CLVS1: variants seen among roughly 807,000 people sequenced by gnomAD.
The protein encoded by CLVS1 is clavesin-1.
Under a neutral mutation model 33.1 loss-of-function variants are expected in CLVS1, and 10 were observed. The observed-to-expected ratio is 0.30, with a 90% confidence interval of 0.19 to 0.51. CLVS1 has a LOEUF of 0.51. Ranked by LOEUF, CLVS1 falls within the 20% of genes least tolerant of loss-of-function variation. The probability of loss-of-function intolerance (pLI) is 0.97; values close to 1 mark genes in which losing one functional copy is unlikely to be tolerated. For synonymous variants in CLVS1, 163 were observed against 166.1 expected (o/e 0.98, Z 0.14); for missense variants, 343 against 433.4 (o/e 0.79, Z 1.85).
chr8:61,432,817 G>A (rs193032263), intron 3 of CLVS1, among the ~76,000 whole-genome samples: 177 of 152,354 alleles, frequency 1.2e-3, no homozygotes, highest in African/African-American at 3.8e-3. Context: ...TGCCCAGGTT[G>A]AGGATGTAGG....
At chr8:61,231,570 G>A (rs2931348) in intron 2 of CLVS1, among the ~76,000 whole-genome samples, 52,028 of 151,194 alleles carry the variant, frequency 0.34, 9,730 homozygotes, top group Non-Finnish European at 0.4. Context: ...GGCACAAGGA[G>A]AGTTTCACCT....
chr8:61,271,139 C>T (rs1809428758), intron 2 of CLVS1, among the ~76,000 whole-genome samples: 1 of 143,646 alleles, frequency 7.0e-6, no homozygotes, highest in South Asian at 2.4e-4. Flanking sequence ...CCTGCTTTCT[C>T]TTGTGGGCAT....
At chr8:61,206,590 CTTTT>C (rs10535294) in intron 2 of CLVS1, among the ~76,000 whole-genome samples, 22 of 139,088 alleles carry the variant, frequency 1.6e-4, no homozygotes, top group Middle Eastern at 7.5e-3. Flanking sequence ...TTTTTTCTTT[CTTTT>C]TTTTTTTTTT....
At chr8:61,314,434 C>A (rs1035567036) in intron 2 of CLVS1, among the ~76,000 whole-genome samples, 1 of 152,076 alleles carries the variant, frequency 6.6e-6, no homozygotes, top group African/African-American at 2.4e-5. Context: ...TCGTTGAGGT[C>A]TACATTTTAA....
At position 61,136,120 on chromosome 8, in the gene CLVS1, C is replaced by T. The variant is rs141455854; in HGVS notation, c.-152+4260C>T. 6.0e-3 allele frequency among the ~76,000 whole-genome samples: 913 copies of T among 152,320 alleles called. 7 individuals carry two copies. The highest frequency in any genetic ancestry group is 0.019 in the African/African-American group (807 of 41,562). ...CAGTCTGTATTTTTAATAGGCCTTC[C>T]GAATGACTGTGATGTACACTAAGGT... On this transcript the variant is annotated intron_variant, in intron 2 of 2. Transcript: ENST00000522621.
At chr8:61,019,404 C>T in the CLVS1 span, among the ~76,000 whole-genome samples, 2 of 152,310 alleles carry the variant, frequency 1.3e-5, no homozygotes, top group Non-Finnish European at 2.9e-5. Context: ...GAGAATCTCA[C>T]ACTCCATTTA....
At chr8:60,966,188 T>G in the CLVS1 span, 1 of 332,848 alleles carries the variant, frequency 3.0e-6, no homozygotes, top group Non-Finnish European at 6.0e-6. Flanking sequence ...CCTTTGGAGA[T>G]GTGAATGAAA....
In CLVS1 at chr8:61,288,209, CA is replaced by C. The variant is rs1393555523; in HGVS notation, c.-152+72del. The C allele has an allele frequency of 1.3e-5, 6 of 456,354 alleles. No homozygotes were observed. In the East Asian group the frequency reaches 3.5e-4, roughly 26 times the overall value. 28.3% of individuals were successfully genotyped at this position (456,354 alleles called of 1,614,324 possible). ...CGCCTTTCCCCCGCTCTTTCGATGC[CA>C]TGGCTGCGGCGTTTCAGCACTTCGG... is the stretch of plus-strand genomic sequence containing the variant. On this transcript the variant is annotated intron_variant, in intron 1 of 5. Transcript: ENST00000325897.
chr8:61,476,020 G>A (rs1817913458), intron 5 of CLVS1, among the ~76,000 whole-genome samples: 1 of 151,888 alleles, frequency 6.6e-6, no homozygotes, highest in Non-Finnish European at 1.5e-5. Flanking sequence ...CATATGGCTA[G>A]CCAGTTTTCC....
chr8:61,500,707 A>ACAT lies in CLVS1; in HGVS notation c.*1167_*1169dup, dbSNP rs1804706059. ...TTCCAAGACCAGTGCATATTTTTAG[A>ACAT]CATCTCTTATTCGCCCAGCCATCTG... is the stretch of plus-strand genomic sequence containing the variant. On this transcript the variant is annotated 3_prime_UTR_variant, in exon 6 of 6. Transcript: ENST00000325897. 4 of 152,348 alleles carry ACAT rather than the reference A, an allele frequency of 2.6e-5. No homozygotes were observed. Among genetic ancestry groups the ACAT allele is most frequent in the Non-Finnish European group, 4.4e-5 (3 of 68,034 alleles). 9.4% of individuals were successfully genotyped at this position (152,348 alleles called of 1,614,324 possible).
At chr8:61,059,059 C>T (rs1217542473) in intron 1 of CLVS1, among the ~76,000 whole-genome samples, 2 of 152,054 alleles carry the variant, frequency 1.3e-5, no homozygotes, top group African/African-American at 4.8e-5. Flanking sequence ...GGGTAGATAT[C>T]CAGGGGTAGA....
rs918150192 is a variant in CLVS1 at position 61,294,636 on chromosome 8, A to G, written c.-151-5041A>G. ...TGCAGGATCCCTGTAACAAAGAAAA[A>G]AGATAATTGATATAAAATGCTTTGA... On this transcript the variant is annotated intron_variant, in intron 1 of 5. Transcript: ENST00000325897. Among the ~76,000 whole-genome samples the G allele has an allele frequency of 5.3e-5, 8 of 152,188 alleles. No homozygotes were observed. The South Asian group carries it at 6.2e-4, about 12-fold the overall frequency.
intron 2 of CLVS1, among the ~76,000 whole-genome samples, chr8:61,243,828 G>A (rs1164164417): frequency 6.6e-6 from 1 of 152,138 alleles, no homozygotes; most frequent in African/African-American, 2.4e-5. Context: ...ATTAATATCT[G>A]CTCTTTCACT....
rs911150673 is a variant in CLVS1, at chr8:61,181,679, C to T, written c.-152+49819C>T. ...CAGAGACCCCAGAAATTATACCACA[C>T]ATCTACAACCATCTGATCTTTTTTT... On this transcript the variant is annotated intron_variant, in intron 2 of 2. Coordinates refer to the CLVS1 transcript ENST00000522621. Among the ~76,000 whole-genome samples, 6 of 147,030 alleles carry T rather than the reference C, an allele frequency of 4.1e-5. No individual in the cohort carries two copies. The East Asian group carries it at 1.2e-3, about 29-fold the overall frequency.
intron 2 of CLVS1, among the ~76,000 whole-genome samples, chr8:61,175,983 A>G (rs1807105421): frequency 6.6e-6 from 1 of 152,114 alleles, no homozygotes. Context: ...GTACTTCCTG[A>G]CTTGCCAACT....
intron 2 of CLVS1, among the ~76,000 whole-genome samples, chr8:61,134,469 C>A (rs538285620): frequency 1.3e-5 from 2 of 152,310 alleles, no homozygotes; most frequent in African/African-American, 4.8e-5. Flanking sequence ...TATCTCATGT[C>A]ATGTAATAAT....
intron 2 of CLVS1, among the ~76,000 whole-genome samples, chr8:61,252,742 C>T (rs992566108): frequency 1.3e-5 from 2 of 152,128 alleles, no homozygotes; most frequent in Non-Finnish European, 2.9e-5. Context: ...ATCGCAACTC[C>T]TGCTTTTTCT....
At chr8:61,190,430 T>C (rs1563438101) in intron 2 of CLVS1, among the ~76,000 whole-genome samples, 1 of 152,024 alleles carries the variant, frequency 6.6e-6, no homozygotes, top group Non-Finnish European at 1.5e-5. Flanking sequence ...ACAAAAGATC[T>C]AAAATTGACA....
intron 1 of CLVS1, among the ~76,000 whole-genome samples, chr8:61,290,000 C>T (rs1463139648): frequency 1.3e-5 from 2 of 152,136 alleles, no homozygotes; most frequent in African/African-American, 2.4e-5. Flanking sequence ...TTGGTAATAT[C>T]CACAGTAACC....
Sources: allele counts gnomAD v4.1 joint callset (sites outside exome capture counted in the v4.1 genomes callset), GRCh38; gene constraint gnomAD v4.1.1; transcripts MANE v1.5; gene names NCBI Gene and HGNC (gene_info 2026-07-23, HGNC 2026-07-21).